Variants in RAD51B observed in about 807,000 individuals in gnomAD.
RAD51B encodes RAD51 paralog B.
A neutral mutation model predicts 42.2 loss-of-function variants in RAD51B; 38 were observed. The ratio of observed to expected loss-of-function variants is 0.90; its 90% CI spans 0.70 to 1.18. The LOEUF is 1.18. Ranked by LOEUF, RAD51B falls within the 50% of genes most tolerant of loss-of-function variation. The pLI, the probability that RAD51B is intolerant of heterozygous loss-of-function variation, is 0.00. For synonymous variants in RAD51B, 154 were observed against 145.2 expected (o/e 1.06, Z -0.43); for missense variants, 373 against 400.7 (o/e 0.93, Z 0.59).
chr14:68,662,036 C>G (rs1892944070), intron 11 of RAD51B, among the ~76,000 whole-genome samples: 1 of 152,242 alleles, frequency 6.6e-6, no homozygotes, highest in Admixed American at 6.5e-5. Context: ...ATCCCCATGG[C>G]TGTCAGCAAA....
chr14:67,914,902 C>T (rs970622405), intron 7 of RAD51B, among the ~76,000 whole-genome samples: 1 of 152,168 alleles, frequency 6.6e-6, no homozygotes, highest in Non-Finnish European at 1.5e-5. Context: ...AACAAGTGTT[C>T]TTTTTGTCGG....
At chr14:68,217,883 C>G (rs923660908) in intron 7 of RAD51B, among the ~76,000 whole-genome samples, 1 of 152,188 alleles carries the variant, frequency 6.6e-6, no homozygotes, top group African/African-American at 2.4e-5. Context: ...TTTAGCAAAG[C>G]CTTCTTGTTT....
At chr14:68,486,365 AT>A (rs1883621764) in intron 10 of RAD51B, among the ~76,000 whole-genome samples, 1 of 152,148 alleles carries the variant, frequency 6.6e-6, no homozygotes, top group Admixed American at 6.5e-5. Context: ...GTTTAAGTCT[AT>A]TGCCACTGGC....
chr14:68,335,708 T>G (rs2082442078), intron 8 of RAD51B, among the ~76,000 whole-genome samples: 1 of 152,252 alleles, frequency 6.6e-6, no homozygotes, highest in Admixed American at 6.5e-5. Flanking sequence ...ATTGTGGTCT[T>G]GAGAGCCTTG....
chr14:67,833,133 T>C (rs1403792447), intron 3 of RAD51B, among the ~76,000 whole-genome samples: 1 of 152,174 alleles, frequency 6.6e-6, no homozygotes, highest in Non-Finnish European at 1.5e-5. Context: ...CCCAGCACTT[T>C]GGGAGGCCGA....
At chr14:68,235,331 A>G (rs1160335236) in intron 7 of RAD51B, among the ~76,000 whole-genome samples, 2 of 151,858 alleles carry the variant, frequency 1.3e-5, no homozygotes, top group African/African-American at 4.8e-5. Context: ...CTTGAAGCCA[A>G]GACAGCCAAT....
chr14:68,615,162 T>C (rs550150458), downstream of RAD51B, among the ~76,000 whole-genome samples: 6 of 152,148 alleles, frequency 3.9e-5, no homozygotes, highest in South Asian at 1.0e-3. Flanking sequence ...TCCTTACTGG[T>C]TTACTGATTT....
chr14:68,277,079 T>G (rs2081239776), intron 7 of RAD51B, among the ~76,000 whole-genome samples: 1 of 152,190 alleles, frequency 6.6e-6, no homozygotes, highest in South Asian at 2.1e-4. Context: ...GCAATCTCAC[T>G]CTGAACCTCC....
intron 7 of RAD51B, among the ~76,000 whole-genome samples, chr14:67,913,319 A>G (rs2044050009): frequency 6.6e-6 from 1 of 152,194 alleles, no homozygotes; most frequent in South Asian, 2.1e-4. Flanking sequence ...GTTTAAGGTT[A>G]TGGGTGATTC....
At chr14:68,543,079 C>T (rs1463769517) in intron 10 of RAD51B, among the ~76,000 whole-genome samples, 1 of 152,256 alleles carries the variant, frequency 6.6e-6, no homozygotes, top group Non-Finnish European at 1.5e-5. Flanking sequence ...AAAGGCCAGT[C>T]GTAAATATTT....
At chr14:68,090,583 C>A (rs2077075316) in intron 7 of RAD51B, among the ~76,000 whole-genome samples, 1 of 151,842 alleles carries the variant, frequency 6.6e-6, no homozygotes, top group Non-Finnish European at 1.5e-5. Context: ...TTGGTTTGTA[C>A]TTCAGGTTTG....
chr14:67,927,721 G>GTGTA (rs34293161), intron 7 of RAD51B, among the ~76,000 whole-genome samples: 20,208 of 149,572 alleles, frequency 0.14, 1,530 homozygotes, highest in Middle Eastern at 0.27. Flanking sequence ...GTGTGTGTGT[G>GTGTA]TGTGTGTGTA....
chr14:68,008,271 T>C (rs776451980), intron 7 of RAD51B, among the ~76,000 whole-genome samples: 90 of 151,962 alleles, frequency 5.9e-4, no homozygotes, highest in Non-Finnish European at 7.2e-4. Context: ...TATTTTACCA[T>C]TGTTAAAATT....
At chr14:68,529,543 A>G (rs1887144232) in intron 10 of RAD51B, among the ~76,000 whole-genome samples, 1 of 152,210 alleles carries the variant, frequency 6.6e-6, no homozygotes, top group Admixed American at 6.5e-5. Flanking sequence ...GGCAGGAGAA[A>G]TAATCACAGC....
intron 10 of RAD51B, among the ~76,000 whole-genome samples, chr14:68,643,759 T>A (rs943043754): frequency 6.6e-6 from 1 of 152,026 alleles, no homozygotes; most frequent in African/African-American, 2.4e-5. Context: ...TTTTAGGAGG[T>A]CTGGGAGGAC....
At chr14:67,825,630 A>C in intron 3 of RAD51B, 53 bp downstream of exon 3, 1 of 1,381,396 alleles carries the variant, frequency 7.2e-7, no homozygotes, top group Non-Finnish European at 9.9e-7. Context: ...CATCTCATTA[A>C]ACATGTTTTT....
Position 67,864,997 on chromosome 14 carries a change from T to TTTTTTTTA in RAD51B, c.316-3_316-2insTTTTATTT. 1 of 1,323,656 alleles carries TTTTTTTTA rather than the reference T, an allele frequency of 7.6e-7. No homozygotes were observed. Among genetic ancestry groups the TTTTTTTTA allele is most frequent in the Non-Finnish European group, 9.6e-7 (1 of 1,040,186 alleles). 82.0% of individuals were successfully genotyped at this position (1,323,656 alleles called of 1,614,324 possible). ...TTTTTTTTTTTTTTTTTTTTTTTTT[T>TTTTTTTTA]TTTAGATTACAGGTCCACCAGGTTG... On this transcript the variant is annotated splice_region_variant and splice_polypyrimidine_tract_variant and intron_variant, in intron 4 of 10. Transcript: ENST00000471583.
rs1162652660 is a variant in RAD51B, at chr14:68,331,386, G to A, written c.853+39406G>A. On this transcript the variant is annotated intron_variant, in intron 8 of 10. Coordinates refer to ENST00000471583, the MANE Select transcript of RAD51B (RefSeq NM_133510.4). Reference sequence around the variant, plus strand: ...CTGTCTCAAAAAAAAAAAAAAAAAAGCAATGGTGTTGGCATTATTGTGGTT... The same window carrying A: ...CTGTCTCAAAAAAAAAAAAAAAAAAACAATGGTGTTGGCATTATTGTGGTT... Among the ~76,000 whole-genome samples, 398 of 44,342 alleles carry A rather than the reference G, an allele frequency of 9.0e-3. 1 individual carries two copies. The highest frequency in any genetic ancestry group is 0.014 in the Non-Finnish European group (235 of 16,918). 29.1% of individuals were successfully genotyped at this position (44,342 alleles called of 152,430 possible).
chr14:68,221,599 G>C (rs1595568369), intron 7 of RAD51B, among the ~76,000 whole-genome samples: 1 of 152,290 alleles, frequency 6.6e-6, no homozygotes, highest in South Asian at 2.1e-4. Flanking sequence ...GATAACATCA[G>C]AAAAACCCTT....
Sources: allele counts gnomAD v4.1 joint callset (sites outside exome capture counted in the v4.1 genomes callset), GRCh38; gene constraint gnomAD v4.1.1; transcripts MANE v1.5; gene names NCBI Gene and HGNC (gene_info 2026-07-23, HGNC 2026-07-21).